GPR39: variants seen among roughly 807,000 people sequenced by gnomAD.
GPR39 encodes the protein zinc sensing receptor.
A neutral mutation model predicts 18.4 loss-of-function variants in GPR39; 23 were observed. That is an observed-to-expected ratio of 1.25 (90% CI 0.90 to 1.77). The LOEUF is 1.77. Ranked by LOEUF, GPR39 falls within the 40% of genes most tolerant of loss-of-function variation. The probability of loss-of-function intolerance (pLI) is 0.00; values close to 1 mark genes in which losing one functional copy is unlikely to be tolerated. For missense variants in GPR39, 647 were observed against 602.4 expected (o/e 1.07, Z -0.78); for synonymous variants, 280 against 257.9 (o/e 1.09, Z -0.82).
At chr2:132,585,819 C>T (rs1212910019) in intron 1 of GPR39, among the ~76,000 whole-genome samples, 3 of 152,146 alleles carry the variant, frequency 2.0e-5, no homozygotes, top group Non-Finnish European at 2.9e-5. Context: ...GCAGCTGCCT[C>T]TTGGCATTCT....
chr2:132,545,243 G>GGT (rs1231199660), intron 1 of GPR39, among the ~76,000 whole-genome samples: 2 of 152,188 alleles, frequency 1.3e-5, no homozygotes, highest in Non-Finnish European at 2.9e-5. Context: ...GACTGCTCTA[G>GGT]GTTCTACCTC....
At chr2:132,436,748 G>T (rs952539698) in intron 1 of GPR39, among the ~76,000 whole-genome samples, 52 of 152,284 alleles carry the variant, frequency 3.4e-4, no homozygotes, top group African/African-American at 1.2e-3. Flanking sequence ...GACAGAAGAG[G>T]CTGGTGCTGG....
At chr2:132,594,640 A>G (rs1036286373) in intron 1 of GPR39, among the ~76,000 whole-genome samples, 8 of 152,090 alleles carry the variant, frequency 5.3e-5, no homozygotes, top group African/African-American at 1.9e-4. Flanking sequence ...AGAGTGTTTT[A>G]GATCCTGAGT....
intron 1 of GPR39, among the ~76,000 whole-genome samples, chr2:132,572,941 G>A (rs1304170711): frequency 6.6e-6 from 1 of 152,228 alleles, no homozygotes; most frequent in East Asian, 1.9e-4. Flanking sequence ...GAGTCAGGAA[G>A]AGTGGGTTCC....
At chr2:132,532,297 G>T (rs533878901) in intron 1 of GPR39, among the ~76,000 whole-genome samples, 2 of 152,186 alleles carry the variant, frequency 1.3e-5, no homozygotes, top group African/African-American at 2.4e-5. Context: ...AAACCAGGAA[G>T]AAGTTGAATC....
intron 1 of GPR39, among the ~76,000 whole-genome samples, chr2:132,434,316 A>G (rs1214411407): frequency 1.3e-5 from 2 of 152,182 alleles, no homozygotes; most frequent in East Asian, 1.9e-4. Context: ...TCTTGAAGGG[A>G]AAAGATAAAC....
intron 1 of GPR39, among the ~76,000 whole-genome samples, chr2:132,420,311 G>A (rs1679986886): frequency 6.6e-6 from 1 of 152,158 alleles, no homozygotes; most frequent in African/African-American, 2.4e-5. Context: ...ATTTCAAAGA[G>A]CTTTTAAAAA....
intron 1 of GPR39, among the ~76,000 whole-genome samples, chr2:132,594,196 G>A (rs188448270): frequency 1.3e-4 from 20 of 152,224 alleles, no homozygotes; most frequent in African/African-American, 4.8e-4. Context: ...CTCATAACCA[G>A]GGGTGGGGAG....
intron 1 of GPR39, among the ~76,000 whole-genome samples, chr2:132,454,154 T>C (rs1039703209): frequency 1.3e-5 from 2 of 152,140 alleles, no homozygotes; most frequent in African/African-American, 4.8e-5. Context: ...TCTTTTATTT[T>C]GTTGAGCTGT....
chr2:132,485,260 A>G (rs1681309433), intron 1 of GPR39, among the ~76,000 whole-genome samples: 1 of 152,198 alleles, frequency 6.6e-6, no homozygotes, highest in African/African-American at 2.4e-5. Context: ...AAAAATTGCT[A>G]ATGATCATCT....
chr2:132,447,284 G>C (rs1680553635), intron 1 of GPR39, among the ~76,000 whole-genome samples: 2 of 152,184 alleles, frequency 1.3e-5, no homozygotes, highest in South Asian at 2.1e-4. Context: ...GGAGCTATTA[G>C]ATAAGTTTGT....
Position 132,458,700 on chromosome 2 carries a change from TC to T in GPR39, c.856+40808del, listed in dbSNP as rs374678662. On this transcript the variant is annotated intron_variant, in intron 1 of 1. Coordinates refer to ENST00000329321, the MANE Select transcript of GPR39 (RefSeq NM_001508.3). ...ACAAAGTTTTGAATTCTTTGAATTT[TC>T]CCCCCAGGCCATTTGTAGGAAATTT... is the stretch of plus-strand genomic sequence containing the variant. 2.2e-3 allele frequency among the ~76,000 whole-genome samples: 335 copies of T among 152,196 alleles called. 1 individual carries two copies. The highest frequency in any genetic ancestry group is 7.0e-3 in the African/African-American group (292 of 41,516).
intron 1 of GPR39, among the ~76,000 whole-genome samples, chr2:132,515,304 A>T (rs562230107): frequency 6.6e-6 from 1 of 152,330 alleles, no homozygotes; most frequent in African/African-American, 2.4e-5. Flanking sequence ...CAGATCTCTT[A>T]GTTATTGACT....
At chr2:132,466,789 G>A (rs1680934881) in intron 1 of GPR39, among the ~76,000 whole-genome samples, 1 of 152,276 alleles carries the variant, frequency 6.6e-6, no homozygotes, top group South Asian at 2.1e-4. Flanking sequence ...TATTGCAAAT[G>A]TGTAGAGGAC....
chr2:132,532,882 C>G (rs1287600133), intron 1 of GPR39, among the ~76,000 whole-genome samples: 4 of 152,106 alleles, frequency 2.6e-5, no homozygotes, highest in Admixed American at 1.3e-4. Flanking sequence ...AACCCACAGC[C>G]AATGTCATAT....
intron 1 of GPR39, among the ~76,000 whole-genome samples, chr2:132,555,400 G>A (rs780450968): frequency 1.3e-5 from 2 of 152,198 alleles, no homozygotes; most frequent in Non-Finnish European, 2.9e-5. Flanking sequence ...GTTGCAGTCA[G>A]AAGTCAGTGT....
At chr2:132,619,125 A>C (rs111439051) in intron 1 of GPR39, among the ~76,000 whole-genome samples, 3 of 152,286 alleles carry the variant, frequency 2.0e-5, no homozygotes, top group African/African-American at 7.2e-5. Context: ...TCTGCAGCCC[A>C]GTGCACTTTC....
At position 132,440,689 on chromosome 2, in the gene GPR39, G is replaced by GCT. The variant is rs540427956; in HGVS notation, c.856+22793_856+22794dup. Among the ~76,000 whole-genome samples, 37 of 152,204 alleles carry GCT rather than the reference G, an allele frequency of 2.4e-4. 1 individual carries two copies. The South Asian group carries it at 7.1e-3, about 29-fold the overall frequency. ...TGTGGAAGGAAGGAACTCATGGCGT[G>GCT]CTCAGCCAAAGTACTTTAGAGAATG... On this transcript the variant is annotated intron_variant, in intron 1 of 1. Coordinates refer to ENST00000329321, the MANE Select transcript of GPR39 (RefSeq NM_001508.3).
At chr2:132,576,515 T>C (rs2872946) in intron 1 of GPR39, among the ~76,000 whole-genome samples, 103,514 of 151,866 alleles carry the variant, frequency 0.68, 36,868 homozygotes, top group East Asian at 0.92. Context: ...TAGCCAGCCA[T>C]GGTGGTGTGC....
Sources: allele counts gnomAD v4.1 joint callset (sites outside exome capture counted in the v4.1 genomes callset), GRCh38; gene constraint gnomAD v4.1.1; transcripts MANE v1.5; gene names NCBI Gene and HGNC (gene_info 2026-07-23, HGNC 2026-07-21).